Variants in DMD observed in about 807,000 individuals in gnomAD.
DMD encodes the protein mutant dystrophin.
In DMD, 63 loss-of-function variants were observed where a neutral mutation model predicts 330.1. The observed-to-expected ratio is 0.19, with a 90% CI of 0.16 to 0.24. DMD has a LOEUF of 0.24. Among genes scored for constraint, DMD ranks in the 10% least tolerant of loss-of-function variants. DMD has a pLI of 1.00. For missense variants in DMD, 3,344 were observed against 2,684.1 expected, an observed-to-expected ratio of 1.25 and a Z score of -5.43; for synonymous variants, 1,223 against 959.8, an observed-to-expected ratio of 1.27 and a Z score of -5.07.
intron 52 of DMD, among the ~76,000 whole-genome samples, chrX:31,687,986 T>C (rs913202813): frequency 9.0e-6 from 1 of 111,255 alleles, no homozygotes; most frequent in Non-Finnish European, 1.9e-5. Flanking sequence ...CCTATCTCTT[T>C]CTCTACCTCC....
At chrX:31,570,493 G>A (rs1042723578) in intron 55 of DMD, among the ~76,000 whole-genome samples, 2 of 111,025 alleles carry the variant, frequency 1.8e-5, no homozygotes, top group African/African-American at 6.5e-5. Context: ...CCCAGGAAAG[G>A]AGTATCTATG....
intron 55 of DMD, among the ~76,000 whole-genome samples, chrX:31,571,256 T>G (rs989077449): frequency 4.1e-4 from 28 of 68,856 alleles, no homozygotes; most frequent in Non-Finnish European, 8.0e-4. Context: ...TTTAAAGGGG[T>G]GTGTGTGTGT....
chrX:31,421,958 T>TACACATATATATATACAC (rs2063424754), intron 60 of DMD, among the ~76,000 whole-genome samples: 1 of 67,840 alleles, frequency 1.5e-5, no homozygotes, highest in Non-Finnish European at 2.3e-5. Flanking sequence ...TATATATATA[T>TACACATATATATATACAC]ACACATATAT....
At chrX:32,129,207 A>C (rs754769233) in intron 44 of DMD, among the ~76,000 whole-genome samples, 45 of 112,108 alleles carry the variant, frequency 4.0e-4, no homozygotes, top group Non-Finnish European at 6.8e-4. Flanking sequence ...TGCAAATAAA[A>C]GTATATATAC....
At chrX:31,537,604 G>A (rs1407828611) in intron 55 of DMD, among the ~76,000 whole-genome samples, 1 of 111,666 alleles carries the variant, frequency 9.0e-6, no homozygotes, top group Non-Finnish European at 1.9e-5. Context: ...CTTGCCTCCA[G>A]TTTGCTAAGC....
At chrX:32,800,944 C>T (rs1292388503) in intron 7 of DMD, among the ~76,000 whole-genome samples, 1 of 111,637 alleles carries the variant, frequency 9.0e-6, no homozygotes, top group East Asian at 2.8e-4. Flanking sequence ...TTTATCCAGT[C>T]TATCATTGAT....
At chrX:32,518,522 C>T (rs968319416) in intron 17 of DMD, among the ~76,000 whole-genome samples, 5 of 110,763 alleles carry the variant, frequency 4.5e-5, no homozygotes, top group African/African-American at 1.6e-4. Context: ...GAAACACATG[C>T]TTTTCTGTAG....
chrX:33,320,089 A>C (rs1449719251), intron 1 of DMD, among the ~76,000 whole-genome samples: 1 of 111,602 alleles, frequency 9.0e-6, no homozygotes, highest in African/African-American at 3.3e-5. Context: ...AGATAAAAGC[A>C]GTCAGACAGG....
rs1557088041 is a variant in DMD at position 32,853,782 on chromosome X, A to AAAAC, written c.94-3963_94-3962insGTTT. ...AACACAGTGACAGAAAAAAAAAAAA[A>AAAAC]AAAACAAACAACAACAACAACAACA... On this transcript the variant is annotated intron_variant, in intron 2 of 78. Coordinates refer to ENST00000357033, the MANE Select transcript of DMD (RefSeq NM_004006.3). Among the ~76,000 whole-genome samples, 63 of 107,581 alleles carry AAAAC rather than the reference A, an allele frequency of 5.9e-4. No homozygotes were observed. The East Asian group carries it at 0.018, about 31-fold the overall frequency. The allele number at this position is 107,581 out of a possible 115,157, so 93.4% of individuals were successfully genotyped here.
intron 64 of DMD, among the ~76,000 whole-genome samples, chrX:31,221,341 A>G (rs934872706): frequency 8.9e-6 from 1 of 112,082 alleles, no homozygotes; most frequent in Non-Finnish European, 1.9e-5. Context: ...TTATTTCACA[A>G]TAGATCTTTC....
intron 1 of DMD, among the ~76,000 whole-genome samples, chrX:33,112,042 C>T (rs2148437569): frequency 9.0e-6 from 1 of 110,610 alleles, no homozygotes; most frequent in East Asian, 2.8e-4. Flanking sequence ...TTATATATAA[C>T]ATGCATATAA....
chrX:32,158,688 A>G (rs902914916), intron 44 of DMD, among the ~76,000 whole-genome samples: 1 of 111,635 alleles, frequency 9.0e-6, no homozygotes, highest in Non-Finnish European at 1.9e-5. Context: ...GGTGATGTGC[A>G]GGACATAGAT....
At chrX:33,018,500 T>C (rs192089161) in intron 2 of DMD, among the ~76,000 whole-genome samples, 2 of 111,619 alleles carry the variant, frequency 1.8e-5, no homozygotes, top group East Asian at 2.8e-4. Context: ...AACAGGTGAG[T>C]TGTGATAAAT....
At chrX:31,818,482 G>C (rs2092685022) in intron 50 of DMD, among the ~76,000 whole-genome samples, 1 of 110,910 alleles carries the variant, frequency 9.0e-6, no homozygotes, top group Admixed American at 9.7e-5. Flanking sequence ...TGTGTAACGT[G>C]GCTTATATGG....
chrX:32,542,197 G>A (rs933329306), intron 17 of DMD, among the ~76,000 whole-genome samples: 2 of 111,649 alleles, frequency 1.8e-5, no homozygotes, highest in East Asian at 5.7e-4. Context: ...TTGGGAGGCT[G>A]AAGTGGGTGG....
At chrX:32,841,731 C>T (rs888795325) in intron 4 of DMD, among the ~76,000 whole-genome samples, 5 of 111,717 alleles carry the variant, frequency 4.5e-5, no homozygotes, top group Admixed American at 9.5e-5. Flanking sequence ...AATGGTAAAA[C>T]GATAATGGTT....
chrX:32,498,915 T>A (rs1279087781), intron 19 of DMD, among the ~76,000 whole-genome samples: 1 of 111,481 alleles, frequency 9.0e-6, no homozygotes, highest in Non-Finnish European at 1.9e-5. Context: ...TAACACCCTA[T>A]CCTGTCTTCT....
intron 62 of DMD, among the ~76,000 whole-genome samples, chrX:31,288,094 GA>G (rs1481547147): frequency 3.6e-5 from 4 of 111,321 alleles, no homozygotes; most frequent in Non-Finnish European, 7.5e-5. Flanking sequence ...TGAAGGGAGA[GA>G]AAATGATTGC....
intron 1 of DMD, among the ~76,000 whole-genome samples, chrX:33,020,402 G>A (rs959563585): frequency 8.9e-6 from 1 of 111,976 alleles, no homozygotes; most frequent in Non-Finnish European, 1.9e-5. Context: ...GGCCAGGCGC[G>A]GTGGCTCACG....
Sources: gnomAD v4.1 joint callset for allele counts (sites outside exome capture counted in the v4.1 genomes callset) on GRCh38, gnomAD v4.1.1 for gene constraint, MANE v1.5 for transcripts, NCBI Gene and HGNC (gene_info 2026-07-23, HGNC 2026-07-21) for gene names.